Variants in RETREG3 observed in about 807,000 individuals in gnomAD.
RETREG3 encodes the protein reticulophagy regulator 3.
A neutral mutation model predicts 50.2 loss-of-function variants in RETREG3; 23 were observed. The ratio of observed to expected loss-of-function variants is 0.46; its 90% CI spans 0.33 to 0.65. RETREG3 has a LOEUF of 0.65. Among genes scored for constraint, RETREG3 ranks in the 30% least tolerant of loss-of-function variants. The pLI is 0.02. For synonymous variants in RETREG3, 240 were observed against 234.4 expected (o/e 1.02, Z -0.22); for missense variants, 546 against 598.0 (o/e 0.91, Z 0.91).
At position 42,582,370 on chromosome 17, in the gene RETREG3, C is replaced by T. The variant is rs145672430; in HGVS notation, c.944-100G>A. On this transcript the variant is annotated intron_variant, in intron 8 of 8. Transcript: ENST00000309428. Reference sequence around the variant, plus strand: ...TTTTCCCACCCTGGCTTTCTCAGGGCGAAATAAACCCATGGGACTGGTATA... The same window carrying T: ...TTTTCCCACCCTGGCTTTCTCAGGGTGAAATAAACCCATGGGACTGGTATA... 214 of 1,171,338 alleles carry T rather than the reference C, an allele frequency of 1.8e-4. 2 individuals carry two copies. The African/African-American group carries it at 2.7e-3, about 15-fold the overall frequency. 72.6% of individuals were successfully genotyped at this position (1,171,338 alleles called of 1,614,324 possible). A position where few individuals can be genotyped will look rare whatever the true frequency, so the allele number is the denominator to read the frequency against.
At chr17:42,593,780 G>T (rs2093138071) in intron 1 of RETREG3, among the ~76,000 whole-genome samples, 1 of 151,900 alleles carries the variant, frequency 6.6e-6, no homozygotes, top group East Asian at 1.9e-4. Flanking sequence ...ATCTATTTTG[G>T]TTTAATATTA....
chr17:42,589,106 CA>C (rs58887647), intron 2 of RETREG3, among the ~76,000 whole-genome samples: 143 of 132,746 alleles, frequency 1.1e-3, no homozygotes, highest in Admixed American at 1.2e-3. Flanking sequence ...TGTCTCTAAC[CA>C]AAAAAAAAAA....
intron 1 of RETREG3, among the ~76,000 whole-genome samples, chr17:42,593,464 A>G (rs917200276): frequency 6.6e-6 from 1 of 151,910 alleles, no homozygotes; most frequent in African/African-American, 2.4e-5. Context: ...CCTGGTTAAT[A>G]TGGTGAAACC....
intron 5 of RETREG3, among the ~76,000 whole-genome samples, chr17:42,585,805 T>C (rs1009215010): frequency 6.6e-6 from 1 of 152,160 alleles, no homozygotes. Context: ...TCCTTTATAG[T>C]TGGTAATACC....
At chr17:42,602,173 A>G (rs1318885381) in intron 1 of RETREG3, among the ~76,000 whole-genome samples, 1 of 151,904 alleles carries the variant, frequency 6.6e-6, no homozygotes, top group Non-Finnish European at 1.5e-5. Context: ...AAAATCAGCC[A>G]AGACATGGTG....
At position 42,586,823 on chromosome 17, in the gene RETREG3, A is replaced by T. The variant is rs1281187251; in HGVS notation, c.446T>A (p.Val149Asp). The T allele has an allele frequency of 2.5e-6, 4 of 1,614,042 alleles. No homozygotes were observed. The highest frequency in any genetic ancestry group is 3.4e-6 in the Non-Finnish European group (4 of 1,180,030). The change falls in exon 4 of 9, where the codon GTT becomes GAT. Residue 149 changes from valine (V) to aspartate (D), a missense_variant. By Grantham distance (152) the Val-to-Asp change is radical. Transcript: ENST00000309428. Reference sequence around the variant, plus strand: ...ATTCCTTATGAAAATGGTCCCACTAACCCAGACTTCAGCTACATGGTGGCA... The same window carrying T: ...ATTCCTTATGAAAATGGTCCCACTATCCCAGACTTCAGCTACATGGTGGCA... The part of the protein sequence containing the change: ...ELCHHVAEVW[V>D]SGTIFIRNVL...
chr17:42,594,767 C>T (rs1433606249), intron 1 of RETREG3, among the ~76,000 whole-genome samples: 1 of 151,430 alleles, frequency 6.6e-6, no homozygotes, highest in Admixed American at 6.6e-5. Context: ...AGGAGAATGG[C>T]GTGAACCTGC....
chr17:42,593,984 A>G (rs980397948), intron 1 of RETREG3, among the ~76,000 whole-genome samples: 1 of 152,142 alleles, frequency 6.6e-6, no homozygotes, highest in Non-Finnish European at 1.5e-5. Flanking sequence ...TGAGCTCAGG[A>G]GCTCGAGACA....
intron 1 of RETREG3, among the ~76,000 whole-genome samples, chr17:42,593,376 G>T (rs891363667): frequency 6.6e-6 from 1 of 151,976 alleles, no homozygotes; most frequent in Non-Finnish European, 1.5e-5. Context: ...GAGGCCAGGC[G>T]TGGTGGTTCA....
At chr17:42,594,354 A>C (rs921628256) in intron 1 of RETREG3, among the ~76,000 whole-genome samples, 17 of 152,122 alleles carry the variant, frequency 1.1e-4, no homozygotes, top group Non-Finnish European at 1.5e-4. Context: ...TTAGGAGTTC[A>C]AAACCAGCCT....
intron 2 of RETREG3, 110 bp from the exon 3 acceptor site, chr17:42,587,974 C>G (rs1486196573): frequency 8.5e-7 from 1 of 1,183,178 alleles, no homozygotes; most frequent in Non-Finnish European, 1.3e-6. Context: ...GAAAAGAAAA[C>G]AGTAATAGCC....
chr17:42,609,307 C>T lies in RETREG3; in HGVS notation c.18G>A (p.Gly6=), dbSNP rs371177257. 3.1e-6 allele frequency: 5 copies of T among 1,600,376 alleles called. No individual in the cohort carries two copies. Among genetic ancestry groups the T allele is most frequent in the Non-Finnish European group, 4.2e-6 (5 of 1,179,210 alleles). Residue 6 remains glycine, a synonymous_variant, in exon 1 of 9, where the codon GGG becomes GGA. Transcript: ENST00000309428. ...AAGCCGGGCCTGGGGTCGTGGGAAC[C>T]CCTTCGGCCTCAGCCATCTCCCCGC... The part of the protein sequence containing the change: MAEAE[G]VPTTPGPASG...
chr17:42,590,211 A>T (rs28392888), intron 2 of RETREG3, among the ~76,000 whole-genome samples: 8,275 of 151,890 alleles, frequency 0.054, 305 homozygotes, highest in East Asian at 0.15. Context: ...CTCAAAAAAA[A>T]TTTTTTTTAC....
rs2093103399 is a variant in RETREG3, at chr17:42,579,806, C to T, written c.*2007G>A. On this transcript the variant is annotated 3_prime_UTR_variant, in exon 9 of 9. Coordinates refer to ENST00000309428, the MANE Select transcript of RETREG3 (RefSeq NM_178126.4). ...CCTAAAGTGGGGAGATGCCATTACC[C>T]CTGACCACCCCACTATGAGTGACTA... The T allele has an allele frequency of 6.5e-6, 1 of 152,756 alleles. No individual in the cohort carries two copies. The allele number at this position is 152,756 out of a possible 1,614,324, so 9.5% of individuals were successfully genotyped here.
chr17:42,590,825 G>T (rs1279501574), intron 2 of RETREG3, among the ~76,000 whole-genome samples: 1 of 152,162 alleles, frequency 6.6e-6, no homozygotes, highest in Non-Finnish European at 1.5e-5. Flanking sequence ...AAATTAGCCA[G>T]GCATGGTGGT....
At chr17:42,593,745 G>A (rs1034442750) in intron 1 of RETREG3, among the ~76,000 whole-genome samples, 1 of 151,742 alleles carries the variant, frequency 6.6e-6, no homozygotes, top group Non-Finnish European at 1.5e-5. Context: ...TAGATGCTAA[G>A]TGTTAAGGTA....
At chr17:42,591,994 A>G (rs549572628) in intron 2 of RETREG3, 62 bp downstream of exon 2, 20 of 1,390,662 alleles carry the variant, frequency 1.4e-5, no homozygotes, top group Non-Finnish European at 2.0e-5. Flanking sequence ...CTAATACTAA[A>G]GGTACAAATT....
At chr17:42,585,037 T>G in intron 6 of RETREG3, 88 bp downstream of exon 6, 2 of 1,525,034 alleles carry the variant, frequency 1.3e-6, no homozygotes, top group East Asian at 2.3e-5. Flanking sequence ...CTTCCACTTT[T>G]GAGGACCCAC....
At chr17:42,603,581 A>G (rs1295926171) in intron 1 of RETREG3, among the ~76,000 whole-genome samples, 1 of 152,184 alleles carries the variant, frequency 6.6e-6, no homozygotes, top group East Asian at 1.9e-4. Context: ...AAGAGAGGGG[A>G]AGTAAATAAA....
Sources: gnomAD v4.1 joint callset for allele counts (sites outside exome capture counted in the v4.1 genomes callset) on GRCh38, gnomAD v4.1.1 for gene constraint, MANE v1.5 for transcripts, NCBI Gene and HGNC (gene_info 2026-07-23, HGNC 2026-07-21) for gene names.